Variants in CENPW observed in about 807,000 individuals in gnomAD.
CENPW encodes the protein centromere protein W, also known as cancer-up-regulated gene 2 protein.
A neutral mutation model predicts 11.1 loss-of-function variants in CENPW; 3 were observed. The ratio of observed to expected loss-of-function variants is 0.27; its 90% CI spans 0.12 to 0.70. The LOEUF is 0.70. Among genes scored for constraint, CENPW ranks in the 30% least tolerant of loss-of-function variants. The pLI, the probability that CENPW is intolerant of heterozygous loss-of-function variation, is 0.77. For missense variants in CENPW, 100 were observed against 105.6 expected, an observed-to-expected ratio of 0.95 and a Z score of 0.23; for synonymous variants, 38 against 42.0, an observed-to-expected ratio of 0.91 and a Z score of 0.37.
At chr6:126,364,392 C>T in the CENPW span, among the ~76,000 whole-genome samples, 1 of 152,280 alleles carries the variant, frequency 6.6e-6, no homozygotes, top group African/African-American at 2.4e-5. Context: ...TGTAGCATTT[C>T]ACAGAGAAGT....
chr6:126,457,291 G>A, the CENPW span, among the ~76,000 whole-genome samples: 1 of 151,406 alleles, frequency 6.6e-6, no homozygotes. Flanking sequence ...ATTCACAATA[G>A]CAAAGACATA....
chr6:126,382,638 A>G, the CENPW span, among the ~76,000 whole-genome samples: 2 of 152,216 alleles, frequency 1.3e-5, no homozygotes. Flanking sequence ...CAAGAATTAT[A>G]TAATGCAATC....
At chr6:126,435,708 T>C in the CENPW span, among the ~76,000 whole-genome samples, 1 of 151,902 alleles carries the variant, frequency 6.6e-6, no homozygotes, top group African/African-American at 2.4e-5. Context: ...AAATATTAAA[T>C]GAGAGGCTGA....
At chr6:126,441,371 A>T in the CENPW span, among the ~76,000 whole-genome samples, 3 of 151,360 alleles carry the variant, frequency 2.0e-5, no homozygotes, top group Non-Finnish European at 1.5e-5. Flanking sequence ...GTTCTCCCAG[A>T]GATTCTGTAA....
chr6:126,417,558 G>C, the CENPW span, among the ~76,000 whole-genome samples: 7 of 152,156 alleles, frequency 4.6e-5, no homozygotes, highest in Non-Finnish European at 1.0e-4. Context: ...AATAATGGGT[G>C]TGGGTCTTTC....
chr6:126,373,559 G>A, the CENPW span, among the ~76,000 whole-genome samples: 25 of 152,162 alleles, frequency 1.6e-4, no homozygotes, highest in Admixed American at 1.6e-3. Context: ...TTCTTCTGCT[G>A]GTTCACTTGA....
chr6:126,452,168 G>T, the CENPW span, among the ~76,000 whole-genome samples: 4 of 151,126 alleles, frequency 2.6e-5, no homozygotes, highest in African/African-American at 9.7e-5. Flanking sequence ...CATTTTCAAT[G>T]AGATTTAAGT....
the CENPW span, among the ~76,000 whole-genome samples, chr6:126,440,809 T>G: frequency 6.6e-6 from 1 of 151,460 alleles, no homozygotes; most frequent in African/African-American, 2.4e-5. Context: ...TTGAAAGGAC[T>G]GGAGAAGCCT....
the CENPW span, among the ~76,000 whole-genome samples, chr6:126,476,093 A>T: frequency 6.6e-6 from 1 of 151,858 alleles, no homozygotes; most frequent in Non-Finnish European, 1.5e-5. Context: ...CTATAGAAAA[A>T]AAAAAAAATC....
At chr6:126,424,123 C>T in the CENPW span, among the ~76,000 whole-genome samples, 12 of 151,994 alleles carry the variant, frequency 7.9e-5, no homozygotes, top group Non-Finnish European at 1.6e-4. Context: ...GATTCTTAAC[C>T]TACTAACATC....
At chr6:126,390,352 G>A in the CENPW span, among the ~76,000 whole-genome samples, 1 of 151,676 alleles carries the variant, frequency 6.6e-6, no homozygotes, top group Non-Finnish European at 1.5e-5. Flanking sequence ...TACATAGCAG[G>A]TGTATATATT....
chr6:126,371,632 G>A, the CENPW span, among the ~76,000 whole-genome samples: 2 of 152,036 alleles, frequency 1.3e-5, no homozygotes, highest in African/African-American at 4.8e-5. Context: ...TCTTTATCTT[G>A]TAGCATAATG....
chr6:126,397,427 AG>A, the CENPW span, among the ~76,000 whole-genome samples: 1 of 152,192 alleles, frequency 6.6e-6, no homozygotes, highest in African/African-American at 2.4e-5. Context: ...GGCTGGTGCC[AG>A]GGAATCAGGG....
At chr6:126,444,458 C>T in the CENPW span, among the ~76,000 whole-genome samples, 1 of 151,020 alleles carries the variant, frequency 6.6e-6, no homozygotes, top group African/African-American at 2.4e-5. Context: ...TATCCAAATG[C>T]TTTTTTCACT....
At chr6:126,445,013 C>T in the CENPW span, among the ~76,000 whole-genome samples, 1 of 151,102 alleles carries the variant, frequency 6.6e-6, no homozygotes, top group African/African-American at 2.4e-5. Context: ...TTGAAAGGGT[C>T]CCTTCACAGC....
At chr6:126,474,000 AATAT>A in the CENPW span, among the ~76,000 whole-genome samples, 1 of 148,364 alleles carries the variant, frequency 6.7e-6, no homozygotes, top group Non-Finnish European at 1.5e-5. Context: ...GAATATATAG[AATAT>A]ATATATTCTA....
At chr6:126,470,570 G>A in the CENPW span, among the ~76,000 whole-genome samples, 3 of 152,250 alleles carry the variant, frequency 2.0e-5, no homozygotes, top group Non-Finnish European at 4.4e-5. Flanking sequence ...GGAGCTGTGA[G>A]AAGAGAGCCA....
the CENPW span, among the ~76,000 whole-genome samples, chr6:126,372,702 A>G: frequency 6.6e-6 from 1 of 152,192 alleles, no homozygotes; most frequent in Non-Finnish European, 1.5e-5. Context: ...GCTATTTGAA[A>G]TATTTTTTGA....
chr6:126,442,136 A>G, the CENPW span, among the ~76,000 whole-genome samples: 1 of 151,542 alleles, frequency 6.6e-6, no homozygotes, highest in South Asian at 2.1e-4. Flanking sequence ...TTTTTTGGTT[A>G]TGGCCACTCT....
Sources: allele counts gnomAD v4.1 joint callset (sites outside exome capture counted in the v4.1 genomes callset), GRCh38; gene constraint gnomAD v4.1.1; transcripts MANE v1.5; gene names NCBI Gene and HGNC (gene_info 2026-07-23, HGNC 2026-07-21).